DDX60L: variants seen among roughly 807,000 people sequenced by gnomAD.
DDX60L encodes the protein DExD/H-box 60 like.
Under a neutral mutation model 211.6 loss-of-function variants are expected in DDX60L, and 191 were observed. The observed-to-expected ratio is 0.90, with a 90% CI of 0.80 to 1.02. The LOEUF is 1.02. DDX60L is among the 50% of genes least tolerant of loss of function. The pLI, the probability that DDX60L is intolerant of heterozygous loss-of-function variation, is 0.00. For missense variants in DDX60L, 2,007 were observed against 1,984.1 expected (o/e 1.01, Z -0.22); for synonymous variants, 706 against 694.1 (o/e 1.02, Z -0.27).
chr4:168,399,672 C>T (rs1746449271), intron 26 of DDX60L, among the ~76,000 whole-genome samples: 1 of 152,042 alleles, frequency 6.6e-6, no homozygotes, highest in African/African-American at 2.4e-5. Context: ...ATGGCAAGGA[C>T]CTGAACCAAG....
In DDX60L at chr4:168,396,138, A is replaced by AC. The variant is rs1745739469; in HGVS notation, c.3492-15_3492-14insG. 2.9e-6 allele frequency: 4 copies of AC among 1,402,522 alleles called. No individual in the cohort carries two copies. The highest frequency in any genetic ancestry group is 3.8e-6 in the Non-Finnish European group (4 of 1,046,940). The allele number at this position is 1,402,522 out of a possible 1,614,324, so 86.9% of individuals were successfully genotyped here. A position where few individuals can be genotyped will look rare whatever the true frequency, so the allele number is the denominator to read the frequency against. On this transcript the variant is annotated splice_polypyrimidine_tract_variant and intron_variant, in intron 26 of 37. Coordinates refer to ENST00000682922, the MANE Select transcript of DDX60L (RefSeq NM_001012967.3). ...TTTTTTTTAGTGCTACTATTTAAAA[A>AC]AAAAAAAAAACTTTTAAGTAATGAA...
At chr4:168,387,660 T>C (rs995601024) in intron 29 of DDX60L, among the ~76,000 whole-genome samples, 20 of 152,160 alleles carry the variant, frequency 1.3e-4, no homozygotes, top group African/African-American at 4.6e-4. Flanking sequence ...GCTACAGAAA[T>C]TGTGATACAG....
intron 22 of DDX60L, among the ~76,000 whole-genome samples, chr4:168,408,228 T>C (rs1479652632): frequency 3.9e-5 from 6 of 152,252 alleles, no homozygotes; most frequent in Admixed American, 1.3e-4. Context: ...TCTCCCTTCC[T>C]TTATGAATGC....
At chr4:168,390,493 A>G in intron 29 of DDX60L, 1 of 1,394,510 alleles carries the variant, frequency 7.2e-7, no homozygotes, top group Non-Finnish European at 9.3e-7. Flanking sequence ...CTGTAAAATC[A>G]CAGTCTTCAT....
intron 22 of DDX60L, among the ~76,000 whole-genome samples, chr4:168,414,212 G>A (rs540490955): frequency 2.0e-4 from 31 of 152,092 alleles, no homozygotes; most frequent in Non-Finnish European, 3.5e-4. Flanking sequence ...TGTCCTACAA[G>A]AAGTGCTAAA....
chr4:168,427,184 T>G lies in DDX60L; in HGVS notation c.1816A>C (p.Arg606=). ...EMKNNLHSGI[R]KLEDYLTSCA... ...GATGTCAAATAATCTTCCAATTTCC[T>G]TATTCCAGAATGTAAATTGTTCTTC... is the stretch of plus-strand genomic sequence containing the variant. The change falls in exon 14 of 38, where the codon AGG becomes CGG. Residue 606 remains arginine (R), a synonymous_variant. Transcript: ENST00000682922. 1 of 1,612,610 alleles carries G rather than the reference T, an allele frequency of 6.2e-7. No individual in the cohort carries two copies. Among genetic ancestry groups the G allele is most frequent in the Non-Finnish European group, 8.5e-7 (1 of 1,179,032 alleles).
intron 5 of DDX60L, among the ~76,000 whole-genome samples, chr4:168,460,690 A>G (rs1306767650): frequency 6.6e-6 from 1 of 152,110 alleles, no homozygotes; most frequent in Non-Finnish European, 1.5e-5. Context: ...ACTGGGTGCC[A>G]TATAATTTAA....
At position 168,358,049 on chromosome 4, in the gene DDX60L, GACAA is replaced by G. The variant is rs1464071320; in HGVS notation, c.*94_*97del. The G allele has an allele frequency of 2.6e-6, 3 of 1,145,214 alleles. No homozygotes were observed. The highest frequency in any genetic ancestry group is 3.8e-6 in the Non-Finnish European group (3 of 796,888). 70.9% of individuals were successfully genotyped at this position (1,145,214 alleles called of 1,614,324 possible). ...TGAGTTTAATTCTGTTTGACTCCAA[GACAA>G]ACATTTTTTCCATTTCATTGTGTAA... On this transcript the variant is annotated 3_prime_UTR_variant, in exon 38 of 38. Transcript: ENST00000682922.
chr4:168,471,046 C>T (rs955108030), intron 4 of DDX60L, among the ~76,000 whole-genome samples: 1 of 151,950 alleles, frequency 6.6e-6, no homozygotes, highest in African/African-American at 2.4e-5. Flanking sequence ...TGCCAAAGAT[C>T]GTTAAATGGC....
Position 168,446,059 on chromosome 4 carries a change from G to A in DDX60L, c.1138+2579C>T, listed in dbSNP as rs1754738280. ...ATTAGGCAGGAGAAGGAAATAAAGA[G>A]TATTAAATTAGGAAAAGAGGAAGTC... On this transcript the variant is annotated intron_variant, in intron 9 of 37. Coordinates refer to ENST00000682922, the MANE Select transcript of DDX60L (RefSeq NM_001012967.3). 5.3e-5 allele frequency among the ~76,000 whole-genome samples: 8 copies of A among 150,964 alleles called. No homozygotes were observed. The South Asian group carries it at 1.7e-3, about 32-fold the overall frequency.
chr4:168,363,855 C>T (rs940794225), intron 36 of DDX60L, among the ~76,000 whole-genome samples: 4 of 152,122 alleles, frequency 2.6e-5, no homozygotes, highest in African/African-American at 9.7e-5. Context: ...TTCTTACCTA[C>T]TTATAATTAC....
intron 8 of DDX60L, among the ~76,000 whole-genome samples, chr4:168,449,659 A>AAAAAAAAAAAAAAAAAAAAAATAC (rs1755466000): frequency 2.2e-5 from 2 of 91,034 alleles, no homozygotes; most frequent in Non-Finnish European, 4.5e-5. Context: ...ATGCAAAAAA[A>AAAAAAAAAAAAAAAAAAAAAATAC]AAAAAAGAAA....
rs921719327 is a variant in DDX60L at position 168,433,109 on chromosome 4, G to A, written c.1301C>T (p.Ser434Phe). The change falls in exon 11 of 38, where the codon TCC (serine) becomes TTC (phenylalanine). Residue 434 changes from serine (S) to phenylalanine (F), a missense_variant. Physicochemically the swap from Ser to Phe is radical, Grantham distance 155. Coordinates refer to ENST00000682922, the MANE Select transcript of DDX60L (RefSeq NM_001012967.3). ...RQEKSVIQEI[S>F]LEKMPSVGFI... ...GCCCACACTAGGCATCTTTTCCAAG[G>A]AGATTTCTGAAAACAAATATAAATT... The A allele has an allele frequency of 2.5e-6, 4 of 1,596,898 alleles. No individual in the cohort carries two copies. In the African/African-American group the frequency reaches 5.4e-5, roughly 21 times the overall value.
chr4:168,363,742 A>G (rs1445681052), intron 36 of DDX60L, among the ~76,000 whole-genome samples: 1 of 152,206 alleles, frequency 6.6e-6, no homozygotes, highest in East Asian at 1.9e-4. Context: ...GCTTAGCACC[A>G]CAGAAAACCA....
At chr4:168,379,231 C>A in intron 32 of DDX60L, 132 bp downstream of exon 32, 3 of 774,314 alleles carry the variant, frequency 3.9e-6, no homozygotes, top group Non-Finnish European at 5.7e-6. Context: ...ATCTGTAAAT[C>A]TGAACATATA....
At chr4:168,424,585 G>A (rs1317670883) in intron 14 of DDX60L, among the ~76,000 whole-genome samples, 4 of 152,122 alleles carry the variant, frequency 2.6e-5, no homozygotes, top group Non-Finnish European at 4.4e-5. Flanking sequence ...TGTTGAAACA[G>A]ATCAGTAAAA....
At chr4:168,365,888 T>C (rs536032666) in intron 36 of DDX60L, among the ~76,000 whole-genome samples, 1 of 152,258 alleles carries the variant, frequency 6.6e-6, no homozygotes, top group African/African-American at 2.4e-5. Flanking sequence ...AATCAATAAA[T>C]GAGATAAATA....
chr4:168,461,761 T>C lies in DDX60L; in HGVS notation c.544A>G (p.Thr182Ala), dbSNP rs756668862. 2 of 1,602,714 alleles carry C rather than the reference T, an allele frequency of 1.2e-6. No homozygotes were observed. The highest frequency in any genetic ancestry group is 1.7e-6 in the Non-Finnish European group (2 of 1,173,238). The change falls in exon 5 of 38, where the codon ACT (threonine) becomes GCT (alanine). Residue 182 changes from threonine (T) to alanine (A), a missense_variant. Thr to Ala is a moderately conservative substitution (Grantham distance 58, BLOSUM62 0). Transcript: ENST00000682922. ...ATAGTATATGCATAAAATCTGAGAG[T>C]ATCAGATTCATGCCCTGATGAAAGC... is the stretch of plus-strand genomic sequence containing the variant. Reference protein sequence around the residue: ...VVLSSGHESDTLRFYAYTMES... With the variant: ...VVLSSGHESDALRFYAYTMES...
chr4:168,366,511 G>A (rs898752702), intron 36 of DDX60L, among the ~76,000 whole-genome samples: 15 of 151,678 alleles, frequency 9.9e-5, no homozygotes, highest in Non-Finnish European at 1.0e-4. Flanking sequence ...GATATTCCAC[G>A]TTCAGGGAAT....
Sources: allele counts gnomAD v4.1 joint callset (sites outside exome capture counted in the v4.1 genomes callset), GRCh38; gene constraint gnomAD v4.1.1; transcripts MANE v1.5; gene names NCBI Gene and HGNC (gene_info 2026-07-23, HGNC 2026-07-21).